PARD3: variants seen among roughly 807,000 people sequenced by gnomAD.
PARD3 encodes partitioning defective 3 homolog.
PARD3 carries 75 observed loss-of-function variants against 155.4 expected under a neutral mutation model. The ratio of observed to expected loss-of-function variants is 0.48; its 90% CI spans 0.40 to 0.58. PARD3 has a LOEUF of 0.58. PARD3 is among the 20% of genes least tolerant of loss of function. PARD3 has a pLI of 0.00. For synonymous variants in PARD3, 576 were observed against 610.5 expected (o/e 0.94, Z 0.83); for missense variants, 1,642 against 1,721.7 (o/e 0.95, Z 0.82).
intron 2 of PARD3, among the ~76,000 whole-genome samples, chr10:34,604,722 T>C (rs558863084): frequency 1.3e-5 from 2 of 151,178 alleles, no homozygotes; most frequent in Admixed American, 1.3e-4. Context: ...GTGTACTTTA[T>C]TGAACTATAA....
intron 2 of PARD3, among the ~76,000 whole-genome samples, chr10:34,662,670 G>C (rs1027599381): frequency 6.6e-6 from 1 of 152,066 alleles, no homozygotes. Flanking sequence ...CCAGGAGTTT[G>C]AGACCAGCCT....
At chr10:34,178,609 C>T (rs568640747) in intron 22 of PARD3, among the ~76,000 whole-genome samples, 3 of 152,260 alleles carry the variant, frequency 2.0e-5, no homozygotes, top group South Asian at 4.1e-4. Flanking sequence ...GCAATCACAA[C>T]GGAGAACAGA....
At chr10:34,476,921 C>G (rs1211983438) in intron 3 of PARD3, among the ~76,000 whole-genome samples, 1 of 152,084 alleles carries the variant, frequency 6.6e-6, no homozygotes, top group African/African-American at 2.4e-5. Flanking sequence ...AAATATGTGG[C>G]CTTATCAACA....
chr10:34,393,553 G>A (rs986065574), intron 7 of PARD3, among the ~76,000 whole-genome samples: 6 of 151,074 alleles, frequency 4.0e-5, no homozygotes, highest in Non-Finnish European at 7.4e-5. Flanking sequence ...CCGGGCAACA[G>A]AGTGAGAAGC....
At chr10:34,795,772 T>C (rs1449619954) in intron 1 of PARD3, among the ~76,000 whole-genome samples, 1 of 152,056 alleles carries the variant, frequency 6.6e-6, no homozygotes, top group Non-Finnish European at 1.5e-5. Flanking sequence ...TGCATGCCTG[T>C]AATCCCAGCT....
intron 22 of PARD3, among the ~76,000 whole-genome samples, chr10:34,188,426 G>T (rs1366111833): frequency 6.6e-6 from 1 of 152,056 alleles, no homozygotes; most frequent in East Asian, 1.9e-4. Flanking sequence ...TTTTACTTAT[G>T]ATCCAGGATA....
chr10:34,801,572 T>C (rs1329058532), intron 1 of PARD3, among the ~76,000 whole-genome samples: 5 of 152,196 alleles, frequency 3.3e-5, no homozygotes, highest in African/African-American at 9.7e-5. Context: ...CGCCACTCCC[T>C]ATTTAGTATG....
At chr10:34,278,920 TACTC>T (rs1222821348) in intron 21 of PARD3, among the ~76,000 whole-genome samples, 1 of 152,154 alleles carries the variant, frequency 6.6e-6, no homozygotes, top group Non-Finnish European at 1.5e-5. Flanking sequence ...TCTCAACAGA[TACTC>T]ACTCAAGTAA....
chr10:34,115,027 G>C (rs561801878), intron 24 of PARD3, among the ~76,000 whole-genome samples: 1 of 152,250 alleles, frequency 6.6e-6, no homozygotes, highest in African/African-American at 2.4e-5. Context: ...CTCCAACATG[G>C]CCTGGAGACC....
In PARD3 at chr10:34,465,984, C is replaced by T. The variant is rs1012283682; in HGVS notation, c.582+4101G>A. On this transcript the variant is annotated intron_variant, in intron 4 of 24. Transcript: ENST00000374788. ...GGCAAGATGATTTAAGTATTCACAC[C>T]GATTGAAATACTCTTCCTCAGGATA... Among the ~76,000 whole-genome samples, 3 of 152,064 alleles carry T rather than the reference C, an allele frequency of 2.0e-5. No individual in the cohort carries two copies. In the East Asian group the frequency reaches 5.8e-4, roughly 29 times the overall value.
chr10:34,507,932 T>C (rs1283245820), intron 3 of PARD3, among the ~76,000 whole-genome samples: 3 of 152,236 alleles, frequency 2.0e-5, no homozygotes, highest in African/African-American at 7.2e-5. Context: ...AGGAATATTA[T>C]TTCTATTTGC....
At chr10:34,502,223 G>A (rs1241738021) in intron 3 of PARD3, among the ~76,000 whole-genome samples, 6 of 152,186 alleles carry the variant, frequency 3.9e-5, no homozygotes, top group African/African-American at 1.4e-4. Flanking sequence ...CTCAATTCAA[G>A]ACTATGTAGT....
chr10:34,641,379 C>T (rs1260245745), intron 2 of PARD3, among the ~76,000 whole-genome samples: 1 of 152,292 alleles, frequency 6.6e-6, no homozygotes, highest in Non-Finnish European at 1.5e-5. Context: ...GGGGCTTGGC[C>T]TATCTTTGCT....
intron 22 of PARD3, among the ~76,000 whole-genome samples, chr10:34,237,686 T>G (rs12247918): frequency 0.018 from 2,809 of 152,290 alleles, 92 homozygotes; most frequent in African/African-American, 0.063. Flanking sequence ...TCAGGGACAT[T>G]TGATTAGGAC....
intron 1 of PARD3, among the ~76,000 whole-genome samples, chr10:34,788,262 A>T (rs140771071): frequency 6.6e-6 from 1 of 152,264 alleles, no homozygotes; most frequent in Non-Finnish European, 1.5e-5. Flanking sequence ...TTTTCTACAG[A>T]ACCCCAGTTC....
At chr10:34,484,304 C>A (rs2079291950) in intron 3 of PARD3, among the ~76,000 whole-genome samples, 1 of 151,998 alleles carries the variant, frequency 6.6e-6, no homozygotes, top group African/African-American at 2.4e-5. Context: ...TAGCAAACAG[C>A]TAAAATCACA....
intron 17 of PARD3, among the ~76,000 whole-genome samples, chr10:34,336,909 T>C (rs1020996730): frequency 1.3e-5 from 2 of 152,130 alleles, no homozygotes; most frequent in Non-Finnish European, 2.9e-5. Context: ...TTTTCTCTTC[T>C]AGTTCAAAAA....
chr10:34,190,699 G>T (rs1172493912), intron 22 of PARD3, among the ~76,000 whole-genome samples: 1 of 152,116 alleles, frequency 6.6e-6, no homozygotes, highest in East Asian at 1.9e-4. Flanking sequence ...TCAGTGTACT[G>T]CATGATAAAT....
intron 2 of PARD3, among the ~76,000 whole-genome samples, chr10:34,672,362 T>TACAGGTTCTAAC (rs1290443227): frequency 6.6e-6 from 1 of 152,158 alleles, no homozygotes; most frequent in African/African-American, 2.4e-5. Flanking sequence ...GAGCACCCAC[T>TACAGGTTCTAAC]CATTCTAACC....
Sources: gnomAD v4.1 joint callset for allele counts (sites outside exome capture counted in the v4.1 genomes callset) on GRCh38, gnomAD v4.1.1 for gene constraint, MANE v1.5 for transcripts, NCBI Gene and HGNC (gene_info 2026-07-23, HGNC 2026-07-21) for gene names.